DHX38: variants seen among roughly 807,000 people sequenced by gnomAD.
The protein encoded by DHX38 is DEAH-box helicase 38.
DHX38 carries 100 observed loss-of-function variants against 153.1 expected under a neutral mutation model. That is an observed-to-expected ratio of 0.65 (90% confidence interval 0.56 to 0.77). The LOEUF (loss-of-function observed/expected upper bound fraction) is 0.77. DHX38 is among the 30% of genes least tolerant of loss of function. The probability of loss-of-function intolerance (pLI) is 0.00; values close to 1 mark genes in which losing one functional copy is unlikely to be tolerated. For missense variants in DHX38, 1,440 were observed against 1,654.0 expected (o/e 0.87, Z 2.24); for synonymous variants, 650 against 631.7 (o/e 1.03, Z -0.43).
In DHX38 at chr16:72,104,983, G is replaced by A. The variant is rs772795042; in HGVS notation, c.2152-44G>A. 8.2e-6 allele frequency: 13 copies of A among 1,587,468 alleles called. No individual in the cohort carries two copies. Among genetic ancestry groups the A allele is most frequent in the Middle Eastern group, 1.7e-4 (1 of 5,782 alleles). ...GGCTCCCAGGAGATGCCCGGCCTGC[G>A]CTTCTAGTACCTCCCTCTGACTGTG... On this transcript the variant is annotated intron_variant, in intron 15 of 26. Coordinates refer to ENST00000268482, the MANE Select transcript of DHX38 (RefSeq NM_014003.4). The surrounding 1 kb of genome is among the most constrained non-coding windows in gnomAD (Gnocchi z 4.5).
chr16:72,105,212 G>A lies in DHX38; in HGVS notation c.2263-20G>A. ...GAGGTTAGGGTTCCAGTGTCTCACA[G>A]CTCCTCCCTGGGCTCTCAGGTGACC... On this transcript the variant is annotated intron_variant, in intron 16 of 26. Coordinates refer to ENST00000268482, the MANE Select transcript of DHX38 (RefSeq NM_014003.4). The A allele has an allele frequency of 6.2e-7, 1 of 1,613,978 alleles. No homozygotes were observed. Among genetic ancestry groups the A allele is most frequent in the African/African-American group, 1.3e-5 (1 of 75,040 alleles).
chr16:72,096,793 G>A (rs768452875), intron 2 of DHX38, 29 bp from the exon 3 acceptor site: 2 of 1,597,362 alleles, frequency 1.3e-6, no homozygotes, highest in Non-Finnish European at 1.7e-6. Flanking sequence ...CTATGGAGGG[G>A]CCTTTACCAG....
intron 26 of DHX38, chr16:72,112,082 C>T (rs911647872): frequency 8.5e-6 from 3 of 353,092 alleles, no homozygotes; most frequent in Non-Finnish European, 1.6e-5. Context: ...GAGTTGGCTC[C>T]TAGGCACTGG....
chr16:72,103,358 C>T, intron 12 of DHX38, 147 bp downstream of exon 12: 2 of 1,181,460 alleles, frequency 1.7e-6, no homozygotes, highest in East Asian at 2.5e-5. Context: ...GCCTGGGGTA[C>T]ACTGCACAAA....
chr16:72,103,284 G>T, intron 12 of DHX38, 73 bp downstream of exon 12: 1 of 1,553,402 alleles, frequency 6.4e-7, no homozygotes, highest in Non-Finnish European at 8.7e-7. Context: ...TTACCCAGGA[G>T]CTCTTTTTCT....
intron 26 of DHX38, among the ~76,000 whole-genome samples, chr16:72,111,877 G>A (rs2042261580): frequency 6.6e-6 from 1 of 152,234 alleles, no homozygotes; most frequent in Admixed American, 6.5e-5. Context: ...CCCCAGAGGT[G>A]AGGCTGATAG....
chr16:72,097,831 A>G (rs535966988), intron 4 of DHX38, 50 bp downstream of exon 4: 1 of 1,496,540 alleles, frequency 6.7e-7, no homozygotes, highest in African/African-American at 1.9e-5. Flanking sequence ...TATAAAAGGC[A>G]GAGTGAGTGA....
Position 72,103,169 on chromosome 16 carries a change from T to G in DHX38, c.1595T>G (p.Leu532Arg), listed in dbSNP as rs1252527355. 6.2e-7 allele frequency: 1 copy of G among 1,614,228 alleles called. No individual in the cohort carries two copies. Residue 532 changes from leucine to arginine, a missense_variant, in exon 12 of 27, where the codon CTG becomes CGG. By Grantham distance (102) the Leu-to-Arg change is moderately radical (BLOSUM62 -2). Coordinates refer to ENST00000268482, the MANE Select transcript of DHX38 (RefSeq NM_014003.4). ...KKSILEQRQYLPIFAVQQELL... is the reference protein window; with the variant it reads ...KKSILEQRQYRPIFAVQQELL... ...TCCATCCTGGAGCAGAGGCAGTACC[T>G]GCCCATCTTTGCAGTGCAGCAGGAG... is the stretch of plus-strand genomic sequence containing the variant.
chr16:72,106,858 C>G (rs974012440), intron 19 of DHX38, among the ~76,000 whole-genome samples: 9 of 152,200 alleles, frequency 5.9e-5, no homozygotes, highest in Non-Finnish European at 1.3e-4. Context: ...ATTCTAGTCC[C>G]AGGCCCATTG....
At chr16:72,099,704 C>T (rs1426144620) in intron 7 of DHX38, 28 bp from the exon 8 acceptor site, 2 of 1,612,860 alleles carry the variant, frequency 1.2e-6, no homozygotes, top group East Asian at 2.2e-5. Context: ...CTGTCCCTCA[C>T]TCCCTTGCTT....
At chr16:72,100,398 G>T in intron 8 of DHX38, 38 bp from the exon 9 acceptor site, 1 of 1,605,282 alleles carries the variant, frequency 6.2e-7, no homozygotes, top group Non-Finnish European at 8.5e-7. Context: ...GACCTTTGGG[G>T]TGGCAATTTG....
chr16:72,100,453 G>C lies in DHX38; in HGVS notation c.1134G>C (p.Glu378Asp). 1 of 1,614,118 alleles carries C rather than the reference G, an allele frequency of 6.2e-7. No homozygotes were observed. Among genetic ancestry groups the C allele is most frequent in the South Asian group, 1.1e-5 (1 of 91,084 alleles). ...RQINEDNERW[E>D]TNRMLTSGVV... Reference sequence around the variant, plus strand: ...CCTCACAGGATAACGAGCGCTGGGAGACAAACCGCATGCTCACCAGTGGGG... The same window carrying C: ...CCTCACAGGATAACGAGCGCTGGGACACAAACCGCATGCTCACCAGTGGGG... The change falls in exon 9 of 27, where the codon GAG (glutamate) becomes GAC (aspartate). Residue 378 changes from glutamate to aspartate, a missense_variant. By Grantham distance (45) the Glu-to-Asp change is conservative (BLOSUM62 2). This residue lies in a region of DHX38 where 77 missense variants were observed against 125.4 expected (regional missense o/e 0.61). Coordinates refer to ENST00000268482, the MANE Select transcript of DHX38 (RefSeq NM_014003.4).
In DHX38 at chr16:72,111,000, G is replaced by A; in HGVS notation, c.3522G>A (p.Glu1174=). The A allele has an allele frequency of 6.3e-7, 1 of 1,587,750 alleles. No individual in the cohort carries two copies. Among genetic ancestry groups the A allele is most frequent in the Non-Finnish European group, 8.6e-7 (1 of 1,166,830 alleles). ...AAGAGGAAGCCTCTGCCATGGAGGA[G>A]GAGATGGCGCTGGCCGAGGAGCAGC... ...RAKEEASAME[E]EMALAEEQLR... Residue 1174 remains glutamate (E), a synonymous_variant, in exon 26 of 27, where the codon GAG becomes GAA. Coordinates refer to ENST00000268482, the MANE Select transcript of DHX38 (RefSeq NM_014003.4).
intron 10 of DHX38, 59 bp downstream of exon 10, chr16:72,101,252 C>T (rs2042096453): frequency 1.3e-6 from 2 of 1,575,796 alleles, no homozygotes; most frequent in South Asian, 2.2e-5. Flanking sequence ...TTTTTCTTCT[C>T]TTCATAAGTC....
In DHX38 at chr16:72,099,827, G is replaced by T; in HGVS notation, c.1056G>T (p.Glu352Asp). 1.2e-6 allele frequency: 2 copies of T among 1,613,808 alleles called. No individual in the cohort carries two copies. The highest frequency in any genetic ancestry group is 1.7e-6 in the Non-Finnish European group (2 of 1,179,832). ...CCGAGGACTACGTGAGGAGGCGGGA[G>T]CAGCACCTGCATAAACAGAAGCAGA... is the stretch of plus-strand genomic sequence containing the variant. ...YSSEDYVRRR[E>D]QHLHKQKQKR... The change falls in exon 8 of 27, where the codon GAG becomes GAT. Residue 352 changes from glutamate (E) to aspartate (D), a missense_variant. By Grantham distance (45) the Glu-to-Asp change is conservative (BLOSUM62 2). Around this residue, in one of 6 missense-constraint regions of DHX38, gnomAD observed 77 missense variants for 125.4 expected, o/e 0.61. Transcript: ENST00000268482.
intron 17 of DHX38, 58 bp from the exon 18 acceptor site, chr16:72,105,459 G>T: frequency 6.2e-7 from 1 of 1,607,376 alleles, no homozygotes; most frequent in Non-Finnish European, 8.5e-7. Flanking sequence ...TTTCCCCCTC[G>T]CGGAGCCTTT....
Position 72,103,750 on chromosome 16 carries a change from A to G in DHX38, c.1786A>G (p.Arg596Gly). ...TGTAGCTGCCATGTCAGTGGCCAAGAGAGTCAGTGAAGAGATGGGGGGAAA... is the reference window on the plus strand; with the variant it reads ...TGTAGCTGCCATGTCAGTGGCCAAGGGAGTCAGTGAAGAGATGGGGGGAAA... ...RRVAAMSVAK[R>G]VSEEMGGNLG... is the part of the protein sequence containing the mutation. The change falls in exon 13 of 27, where the codon AGA (arginine) becomes GGA (glycine). Residue 596 changes from arginine (R) to glycine (G), a missense_variant. Arg to Gly is a moderately radical substitution (Grantham distance 125). Around this residue, in one of 6 missense-constraint regions of DHX38, gnomAD observed 241 missense variants for 229.5 expected, o/e 1.05. Coordinates refer to ENST00000268482, the MANE Select transcript of DHX38 (RefSeq NM_014003.4). The G allele has an allele frequency of 6.2e-7, 1 of 1,613,864 alleles. No individual in the cohort carries two copies. Among genetic ancestry groups the G allele is most frequent in the Non-Finnish European group, 8.5e-7 (1 of 1,179,724 alleles).
chr16:72,096,411 G>C lies in DHX38; in HGVS notation c.254G>C (p.Ser85Thr). 1 of 1,614,096 alleles carries C rather than the reference G, an allele frequency of 6.2e-7. No individual in the cohort carries two copies. The highest frequency in any genetic ancestry group is 1.1e-5 in the South Asian group (1 of 91,082). Residue 85 changes from serine (S) to threonine (T), a missense_variant, in exon 2 of 27, where the codon AGC (serine) becomes ACC (threonine). Around this residue, in one of 6 missense-constraint regions of DHX38, gnomAD observed 483 missense variants for 465.1 expected, o/e 1.04. Transcript: ENST00000268482. The part of the protein sequence containing the change: ...KVSSYKDWEE[S>T]KDDQKDAEEE... Reference sequence around the variant, plus strand: ...TCCTCCTACAAGGACTGGGAAGAGAGCAAGGATGACCAGAAGGATGCTGAG... The same window carrying C: ...TCCTCCTACAAGGACTGGGAAGAGACCAAGGATGACCAGAAGGATGCTGAG...
chr16:72,103,222 C>T lies in DHX38; in HGVS notation c.1637+11C>T. On this transcript the variant is annotated intron_variant, in intron 12 of 26. Coordinates refer to ENST00000268482, the MANE Select transcript of DHX38 (RefSeq NM_014003.4). ...GCTCACTATTATCAGGTAACTTCAC[C>T]CGGGGCCCAGGAATCTAGTGTCAAG... The T allele has an allele frequency of 1.2e-6, 2 of 1,611,620 alleles. No individual in the cohort carries two copies. The highest frequency in any genetic ancestry group is 1.7e-6 in the Non-Finnish European group (2 of 1,178,500).
Sources: gnomAD v4.1 joint callset for allele counts (sites outside exome capture counted in the v4.1 genomes callset) on GRCh38, gnomAD v4.1.1 for gene constraint, gnomAD v4.1.1 regional missense constraint, Gnocchi (gnomAD v3.1) non-coding constraint, MANE v1.5 for transcripts, NCBI Gene and HGNC (gene_info 2026-07-23, HGNC 2026-07-21) for gene names.